Variants in CHAF1A observed in about 807,000 individuals in gnomAD.
The protein encoded by CHAF1A is chromatin assembly factor 1 subunit A.
In CHAF1A, 5 loss-of-function variants were observed where a neutral mutation model predicts 93.2. That is an observed-to-expected ratio of 0.05 (90% CI 0.03 to 0.11). CHAF1A has a LOEUF of 0.11. Among genes scored for constraint, CHAF1A ranks in the 10% least tolerant of loss-of-function variants. The pLI, the probability that CHAF1A is intolerant of heterozygous loss-of-function variation, is 1.00. For missense variants in CHAF1A, 1,102 were observed against 1,259.9 expected, an observed-to-expected ratio of 0.87 and a Z score of 1.90; for synonymous variants, 504 against 510.3, an observed-to-expected ratio of 0.99 and a Z score of 0.17.
chr19:4,402,761 C>G lies in CHAF1A; in HGVS notation c.-2C>G, dbSNP rs887825603. 6 of 1,203,150 alleles carry G rather than the reference C, an allele frequency of 5.0e-6. No homozygotes were observed. Among genetic ancestry groups the G allele is most frequent in the Non-Finnish European group, 6.2e-6 (6 of 969,412 alleles). 74.5% of individuals were successfully genotyped at this position (1,203,150 alleles called of 1,614,324 possible). A position where few individuals can be genotyped will look rare whatever the true frequency, so the allele number is the denominator to read the frequency against. ...AGAGGAGGTCGAGCTGCCGCCGGGGCGATGCTGGAGGAGCTGGAGTGCGGG... is the reference window on the plus strand; with the variant it reads ...AGAGGAGGTCGAGCTGCCGCCGGGGGGATGCTGGAGGAGCTGGAGTGCGGG... On this transcript the variant is annotated 5_prime_UTR_variant, in exon 1 of 15. Transcript: ENST00000301280.
At chr19:4,429,041 TCTCTCCACCTGGCCTTC>T (rs774005633) in intron 8 of CHAF1A, 151 bp downstream of exon 8, 3 of 630,204 alleles carry the variant, frequency 4.8e-6, no homozygotes, top group Non-Finnish European at 5.5e-6. Flanking sequence ...GGCTCAGGCC[TCTCTCCACCTGGCCTTC>T]CTGTAAGCTC....
At chr19:4,425,567 G>A (rs756993292) in intron 7 of CHAF1A, among the ~76,000 whole-genome samples, 10 of 152,070 alleles carry the variant, frequency 6.6e-5, no homozygotes, top group Non-Finnish European at 1.0e-4. Context: ...GGCTGGTCTC[G>A]ACCTCCTGGT....
At chr19:4,447,026 G>A (rs1393092197), downstream of CHAF1A, 11 of 1,168,928 alleles carry the variant, frequency 9.4e-6, no homozygotes, top group South Asian at 4.0e-5. Flanking sequence ...AGCAGCTGTC[G>A]ACCCCTGGAT....
At chr19:4,405,632 T>G (rs1028382369) in intron 1 of CHAF1A, among the ~76,000 whole-genome samples, 5 of 151,876 alleles carry the variant, frequency 3.3e-5, no homozygotes, top group African/African-American at 1.2e-4. Flanking sequence ...AAATTTTTTT[T>G]TTTTGGCCCA....
intron 10 of CHAF1A, 49 bp from the exon 11 acceptor site, chr19:4,430,500 A>T (rs539133786): frequency 7.6e-7 from 1 of 1,312,708 alleles, no homozygotes. Context: ...AATAAGGCAC[A>T]CACTCTGCTT....
chr19:4,450,754 G>A, the CHAF1A span: 3 of 44,700 alleles, frequency 6.7e-5, no homozygotes, highest in African/African-American at 9.0e-5. Flanking sequence ...GCGAGACTCT[G>A]TCTCAAAAAA....
intron 4 of CHAF1A, among the ~76,000 whole-genome samples, chr19:4,420,742 A>G (rs1973977213): frequency 1.3e-5 from 2 of 152,102 alleles, no homozygotes; most frequent in South Asian, 4.1e-4. Flanking sequence ...GGAGTTTGAG[A>G]CAAGCCTGGG....
rs771296337 is a variant in CHAF1A, at chr19:4,423,851, C to T, written c.1354C>T (p.Pro452Ser). 1.2e-6 allele frequency: 2 copies of T among 1,613,972 alleles called. No homozygotes were observed. The highest frequency in any genetic ancestry group is 1.7e-6 in the Non-Finnish European group (2 of 1,179,964). ...KAEITRFFQK[P>S]KTPQAPKTLA... ...CGAAATCACGAGGTTCTTCCAGAAACCAAAGACTCCACAGGCCCCCAAGGT... is the reference window on the plus strand; with the variant it reads ...CGAAATCACGAGGTTCTTCCAGAAATCAAAGACTCCACAGGCCCCCAAGGT... The change falls in exon 7 of 15, where the codon CCA becomes TCA. Residue 452 changes from proline (P) to serine (S), a missense_variant. This residue lies in a region of CHAF1A where 165 missense variants were observed against 243.9 expected (regional missense o/e 0.68). Coordinates refer to ENST00000301280, the MANE Select transcript of CHAF1A (RefSeq NM_005483.3).
At position 4,422,788 on chromosome 19, in the gene CHAF1A, G is replaced by A. The variant is rs1446412946; in HGVS notation, c.1240G>A (p.Ala414Thr). Residue 414 changes from alanine to threonine, a missense_variant, in exon 5 of 15, where the codon GCC becomes ACC. Ala to Thr is a moderately conservative substitution (Grantham distance 58, BLOSUM62 0). Around this residue, in one of 6 missense-constraint regions of CHAF1A, gnomAD observed 165 missense variants for 243.9 expected, o/e 0.68. Coordinates refer to ENST00000301280, the MANE Select transcript of CHAF1A (RefSeq NM_005483.3). This position sits in a 1 kb window ranked among gnomAD's most constrained non-coding sequence, Gnocchi z 4.6. Reference sequence around the variant, plus strand: ...GGAGCGGCGCAAGGAGAGACAGGAAGCCCTGGAGTGAGTGTCCTTGGAGGC... The same window carrying A: ...GGAGCGGCGCAAGGAGAGACAGGAAACCCTGGAGTGAGTGTCCTTGGAGGC... The part of the protein sequence containing the change: ...KEERRKERQE[A>T]LEAKLEEKRK... 6.2e-7 allele frequency: 1 copy of A among 1,612,352 alleles called. No individual in the cohort carries two copies. The highest frequency in any genetic ancestry group is 8.5e-7 in the Non-Finnish European group (1 of 1,179,686).
At chr19:4,406,710 G>A (rs936627143) in intron 2 of CHAF1A, among the ~76,000 whole-genome samples, 1 of 152,180 alleles carries the variant, frequency 6.6e-6, no homozygotes, top group Non-Finnish European at 1.5e-5. Context: ...TGGGATTACA[G>A]GTGTGAGCCA....
At chr19:4,447,687 C>A, downstream of CHAF1A, 2 of 1,544,278 alleles carry the variant, frequency 1.3e-6, no homozygotes, top group Non-Finnish European at 1.8e-6. Context: ...CCCCTCTGTG[C>A]CTCCTGCTCC....
intron 7 of CHAF1A, among the ~76,000 whole-genome samples, chr19:4,428,141 A>T (rs1478319773): frequency 1.3e-5 from 2 of 150,158 alleles, no homozygotes; most frequent in East Asian, 4.0e-4. Flanking sequence ...TACAGGCATG[A>T]GCCACTGCCC....
intron 13 of CHAF1A, among the ~76,000 whole-genome samples, chr19:4,435,580 G>T (rs1379961265): frequency 2.0e-5 from 3 of 152,108 alleles, no homozygotes; most frequent in African/African-American, 4.8e-5. Context: ...ATGTTGCCCA[G>T]GCTGGTCCCC....
At position 4,433,442 on chromosome 19, in the gene CHAF1A, C is replaced by T. The variant is rs146377841; in HGVS notation, c.2576C>T (p.Thr859Met). 2.9e-4 allele frequency: 472 copies of T among 1,608,462 alleles called. No individual in the cohort carries two copies. The highest frequency in any genetic ancestry group is 6.2e-4 in the Admixed American group (37 of 59,944). The part of the protein sequence containing the change: ...PKEDSGSVPS[T>M]GPSQGTPISL... Reference sequence around the variant, plus strand: ...GAGGACAGTGGCAGCGTCCCCTCCACGGGGCCCAGCCAGGGCACTCCCATC... The same window carrying T: ...GAGGACAGTGGCAGCGTCCCCTCCATGGGGCCCAGCCAGGGCACTCCCATC... Residue 859 changes from threonine (T) to methionine (M), a missense_variant, in exon 13 of 15, where the codon ACG (threonine) becomes ATG (methionine). Physicochemically the swap from Thr to Met is moderately conservative, Grantham distance 81. Around this residue, in one of 6 missense-constraint regions of CHAF1A, gnomAD observed 76 missense variants for 129.8 expected, o/e 0.59. Transcript: ENST00000301280. The surrounding 1 kb of genome is among the most constrained non-coding windows in gnomAD (Gnocchi z 5.6).
intron 4 of CHAF1A, among the ~76,000 whole-genome samples, chr19:4,420,165 G>A (rs139204916): frequency 4.5e-4 from 69 of 152,252 alleles, no homozygotes; most frequent in African/African-American, 1.2e-3. Context: ...GGCTCCAGAC[G>A]TGTGGGAAGC....
intron 1 of CHAF1A, 81 bp from the exon 2 acceptor site, chr19:4,405,831 A>G (rs1973671085): frequency 1.6e-6 from 2 of 1,260,806 alleles, no homozygotes; most frequent in South Asian, 2.4e-5. Context: ...CACCTTGTAC[A>G]TAATTGGCTC....
At position 4,413,835 on chromosome 19, in the gene CHAF1A, T is replaced by G. The variant is rs73918230; in HGVS notation, c.960+4076T>G. On this transcript the variant is annotated intron_variant, in intron 3 of 14. Transcript: ENST00000301280. Reference sequence around the variant, plus strand: ...TTGGAGAAACAATGATTTAAAAAGATCCCCCTTTAGATACTCCCAGGGTCC... The same window carrying G: ...TTGGAGAAACAATGATTTAAAAAGAGCCCCCTTTAGATACTCCCAGGGTCC... 1.1e-3 allele frequency among the ~76,000 whole-genome samples: 163 copies of G among 152,300 alleles called. 1 individual carries two copies. The highest frequency in any genetic ancestry group is 3.6e-3 in the African/African-American group (148 of 41,566).
In CHAF1A at chr19:4,433,013, C is replaced by A. The variant is rs543768299; in HGVS notation, c.2204-57C>A. 2.2e-6 allele frequency: 3 copies of A among 1,372,400 alleles called. No homozygotes were observed. The highest frequency in any genetic ancestry group is 3.0e-6 in the Non-Finnish European group (3 of 1,016,264). 85.0% of individuals were successfully genotyped at this position (1,372,400 alleles called of 1,614,324 possible). A position where few individuals can be genotyped will look rare whatever the true frequency, so the allele number is the denominator to read the frequency against. On this transcript the variant is annotated intron_variant, in intron 12 of 14. Coordinates refer to ENST00000301280, the MANE Select transcript of CHAF1A (RefSeq NM_005483.3). The surrounding 1 kb of genome is among the most constrained non-coding windows in gnomAD (Gnocchi z 5.6). ...CTTGTGTATGTGTTTTGTTTTTTGG[C>A]CTGTGGTGATGGGTGGCTCCCCAAG...
rs1974147376 is a variant in CHAF1A, at chr19:4,429,746, G to C, written c.1812G>C (p.Trp604Cys). ...ATGAGGTGGACAGTGATGAGGAGTG[G>C]GAAGAAGAGGAGCCTGGGGAGTCCC... ...LDYEVDSDEE[W>C]EEEEPGESLS... The change falls in exon 10 of 15, where the codon TGG becomes TGC. Residue 604 changes from tryptophan to cysteine, a missense_variant. Coordinates refer to ENST00000301280, the MANE Select transcript of CHAF1A (RefSeq NM_005483.3). 6 of 1,614,100 alleles carry C rather than the reference G, an allele frequency of 3.7e-6. No homozygotes were observed. The highest frequency in any genetic ancestry group is 5.1e-6 in the Non-Finnish European group (6 of 1,180,018).
Sources: allele counts gnomAD v4.1 joint callset (sites outside exome capture counted in the v4.1 genomes callset), GRCh38; gene constraint gnomAD v4.1.1; regional missense constraint gnomAD v4.1.1; non-coding constraint Gnocchi (gnomAD v3.1); transcripts MANE v1.5; gene names NCBI Gene and HGNC (gene_info 2026-07-23, HGNC 2026-07-21).